PRKN: variants seen among roughly 807,000 people sequenced by gnomAD.
PRKN encodes the protein E3 ubiquitin-protein ligase parkin.
PRKN carries 56 observed loss-of-function variants against 59.5 expected under a neutral mutation model. The ratio of observed to expected loss-of-function variants is 0.94; its 90% CI spans 0.76 to 1.18. The LOEUF is 1.18. Among genes scored for constraint, PRKN ranks in the 50% most tolerant of loss-of-function variants. The pLI is 0.00. For synonymous variants in PRKN, 250 were observed against 222.1 expected (o/e 1.13, Z -1.12); for missense variants, 657 against 596.4 (o/e 1.10, Z -1.06).
intron 1 of PRKN, among the ~76,000 whole-genome samples, chr6:162,718,753 CAAAAT>C (rs1778821410): frequency 6.6e-6 from 1 of 151,696 alleles, no homozygotes; most frequent in African/African-American, 2.4e-5. Context: ...CCCCACAAAA[CAAAAT>C]AGAGTTCTAA....
At chr6:162,712,952 G>A (rs747884777) in intron 1 of PRKN, among the ~76,000 whole-genome samples, 2 of 152,140 alleles carry the variant, frequency 1.3e-5, no homozygotes, top group Non-Finnish European at 2.9e-5. Context: ...CCCTCTGAAG[G>A]GGCACTATTA....
chr6:162,430,522 C>T (rs986313), intron 2 of PRKN, among the ~76,000 whole-genome samples: 84,658 of 151,778 alleles, frequency 0.56, 24,726 homozygotes, highest in African/African-American at 0.72. Context: ...AATAAAAGAC[C>T]GTTGAGTGAA....
chr6:162,289,565 C>G (rs1362579283), intron 2 of PRKN, among the ~76,000 whole-genome samples: 1 of 151,758 alleles, frequency 6.6e-6, no homozygotes. Flanking sequence ...GGCATGATGG[C>G]AGGTACCTGT....
intron 6 of PRKN, among the ~76,000 whole-genome samples, chr6:161,877,469 T>G (rs1367992176): frequency 1.3e-5 from 2 of 151,686 alleles, no homozygotes; most frequent in Non-Finnish European, 2.9e-5. Context: ...GCATTTTTTT[T>G]TTTTTTTTGA....
intron 7 of PRKN, among the ~76,000 whole-genome samples, chr6:161,667,575 A>C (rs893681903): frequency 1.3e-5 from 2 of 152,220 alleles, no homozygotes; most frequent in African/African-American, 4.8e-5. Flanking sequence ...ATTACAGCCA[A>C]CTATAAACTC....
intron 6 of PRKN, among the ~76,000 whole-genome samples, chr6:161,814,224 C>A (rs144507076): frequency 6.6e-6 from 1 of 152,290 alleles, no homozygotes; most frequent in Admixed American, 6.5e-5. Flanking sequence ...TGTGCTGTTT[C>A]CATTCCTGTT....
rs1778718326 is a variant in PRKN, at chr6:161,518,990, GATAAACTCCTCGA to G, written c.1083+29851_1083+29863del. ...CACTCGTGTCCAGATGCAAGTAAAT[GATAAACTCCTCGA>G]GACTTCAGACAGAGAGCATAGACAT... On this transcript the variant is annotated intron_variant, in intron 9 of 11. Coordinates refer to ENST00000366898, the MANE Select transcript of PRKN (RefSeq NM_004562.3). This position sits in a 1 kb window ranked among gnomAD's most constrained non-coding sequence, Gnocchi z 5.0. Among the ~76,000 whole-genome samples the G allele has an allele frequency of 3.9e-5, 6 of 152,210 alleles. No homozygotes were observed. Among genetic ancestry groups the G allele is most frequent in the Admixed American group, 3.9e-4 (6 of 15,278 alleles).
chr6:162,555,489 C>T (rs1481856858), intron 1 of PRKN, among the ~76,000 whole-genome samples: 2 of 152,098 alleles, frequency 1.3e-5, no homozygotes, highest in Non-Finnish European at 2.9e-5. Context: ...GCTTTCTTTT[C>T]TATTGCTTTT....
chr6:162,690,448 A>G (rs1584055189), intron 1 of PRKN, among the ~76,000 whole-genome samples: 1 of 152,218 alleles, frequency 6.6e-6, no homozygotes, highest in Admixed American at 6.5e-5. Context: ...TTTACTCCAC[A>G]TGAATGCATC....
intron 1 of PRKN, among the ~76,000 whole-genome samples, chr6:162,612,050 G>A (rs183637102): frequency 0.028 from 4,238 of 151,380 alleles, 216 homozygotes; most frequent in African/African-American, 0.097. Context: ...AAAATTAGCT[G>A]GGCGTGGTGG....
chr6:161,969,102 G>A (rs1445191493), intron 6 of PRKN, among the ~76,000 whole-genome samples: 1 of 152,106 alleles, frequency 6.6e-6, no homozygotes. Flanking sequence ...TGGGAAGCCA[G>A]ATCAGAACTA....
chr6:162,311,674 G>A (rs1488124534), intron 2 of PRKN, among the ~76,000 whole-genome samples: 1 of 151,700 alleles, frequency 6.6e-6, no homozygotes, highest in East Asian at 1.9e-4. Flanking sequence ...AGTAGAGACA[G>A]GGTTTCACCG....
intron 4 of PRKN, among the ~76,000 whole-genome samples, chr6:162,158,259 C>T (rs987448026): frequency 6.6e-6 from 1 of 152,030 alleles, no homozygotes; most frequent in African/African-American, 2.4e-5. Flanking sequence ...TTGTTCTCTT[C>T]TTTCTCCTCA....
At position 161,575,355 on chromosome 6, in the gene PRKN, T is replaced by C. The variant is rs2128136373; in HGVS notation, c.872-5939A>G. Among the ~76,000 whole-genome samples the C allele has an allele frequency of 6.6e-6, 1 of 152,278 alleles. No homozygotes were observed. The highest frequency in any genetic ancestry group is 6.5e-5 in the Admixed American group (1 of 15,286). On this transcript the variant is annotated intron_variant, in intron 7 of 11. Coordinates refer to ENST00000366898, the MANE Select transcript of PRKN (RefSeq NM_004562.3). The surrounding 1 kb of genome is among the most constrained non-coding windows in gnomAD (Gnocchi z 4.6). ...AATGAAAACGCGTCACAAAGTTGTG[T>C]AGCATTTCCACAAAGTCACTGACAG... is the stretch of plus-strand genomic sequence containing the variant.
chr6:162,706,555 G>A lies in PRKN; in HGVS notation c.7+21107C>T, dbSNP rs1356865694. On this transcript the variant is annotated intron_variant, in intron 1 of 11. Coordinates refer to ENST00000366898, the MANE Select transcript of PRKN (RefSeq NM_004562.3). ...GCAGTGCAAAAGGCTGGGCGGCCAT[G>A]TCGTCCAAGTGCATAAGCTTCCTGG... 3.3e-5 allele frequency among the ~76,000 whole-genome samples: 5 copies of A among 152,242 alleles called. No individual in the cohort carries two copies. In the East Asian group the frequency reaches 9.6e-4, roughly 29 times the overall value.
At chr6:161,624,265 C>G (rs1373460348) in intron 7 of PRKN, among the ~76,000 whole-genome samples, 2 of 152,122 alleles carry the variant, frequency 1.3e-5, no homozygotes, top group Non-Finnish European at 2.9e-5. Context: ...ATTTCCAGTT[C>G]TAATAAAAAG....
At chr6:162,671,879 G>A (rs1228950055) in intron 1 of PRKN, among the ~76,000 whole-genome samples, 1 of 152,144 alleles carries the variant, frequency 6.6e-6, no homozygotes, top group African/African-American at 2.4e-5. Flanking sequence ...GAGAGGAGGA[G>A]AGAGGGGAGG....
intron 2 of PRKN, among the ~76,000 whole-genome samples, chr6:162,289,768 T>A (rs1781344657): frequency 6.6e-6 from 1 of 151,888 alleles, no homozygotes; most frequent in Admixed American, 6.6e-5. Flanking sequence ...ATCCAAGGAC[T>A]AGGTACCTTA....
chr6:162,697,815 A>C (rs1035935617), intron 1 of PRKN, among the ~76,000 whole-genome samples: 1 of 152,224 alleles, frequency 6.6e-6, no homozygotes, highest in Non-Finnish European at 1.5e-5. Context: ...ATTAAAAGTA[A>C]ATATACCTAG....
Sources: allele counts gnomAD v4.1 joint callset (sites outside exome capture counted in the v4.1 genomes callset), GRCh38; gene constraint gnomAD v4.1.1; non-coding constraint Gnocchi (gnomAD v3.1); transcripts MANE v1.5; gene names NCBI Gene and HGNC (gene_info 2026-07-23, HGNC 2026-07-21).